Variants in CSGALNACT1 observed in about 807,000 individuals in gnomAD.
The protein encoded by CSGALNACT1 is beta4GalNAcT-1.
A neutral mutation model predicts 51.0 loss-of-function variants in CSGALNACT1; 52 were observed. The observed-to-expected ratio is 1.02, with a 90% CI of 0.82 to 1.29. The LOEUF (loss-of-function observed/expected upper bound fraction) is 1.29, where lower values mean the gene tolerates loss of function less well. CSGALNACT1 is among the 50% of genes most tolerant of loss of function. The pLI is 0.00. For missense variants in CSGALNACT1, 935 were observed against 679.2 expected, an observed-to-expected ratio of 1.38 and a Z score of -4.19; for synonymous variants, 341 against 254.4, an observed-to-expected ratio of 1.34 and a Z score of -3.24.
intron 4 of CSGALNACT1, among the ~76,000 whole-genome samples, chr8:19,491,267 G>A (rs954207689): frequency 7.9e-5 from 12 of 151,886 alleles, no homozygotes; most frequent in Non-Finnish European, 1.0e-4. Context: ...TAACGATACC[G>A]CAAAATTTTA....
chr8:19,705,166 T>C (rs2062087732), intron 1 of CSGALNACT1, among the ~76,000 whole-genome samples: 1 of 152,226 alleles, frequency 6.6e-6, no homozygotes, highest in African/African-American at 2.4e-5. Context: ...CATCACATTG[T>C]ACACCTTAAC....
chr8:19,512,640 C>T (rs902924336), intron 3 of CSGALNACT1, among the ~76,000 whole-genome samples: 4 of 151,996 alleles, frequency 2.6e-5, no homozygotes, highest in Non-Finnish European at 4.4e-5. Context: ...ATCAGTTCTC[C>T]GTTTGAGAAA....
chr8:19,585,796 T>C (rs2046499526), intron 3 of CSGALNACT1, among the ~76,000 whole-genome samples: 1 of 152,156 alleles, frequency 6.6e-6, no homozygotes, highest in Non-Finnish European at 1.5e-5. Flanking sequence ...CAAATTATCA[T>C]TTGTATTTTC....
intron 1 of CSGALNACT1, among the ~76,000 whole-genome samples, chr8:19,629,417 G>C (rs930265851): frequency 2.0e-5 from 3 of 152,160 alleles, no homozygotes; most frequent in Non-Finnish European, 4.4e-5. Flanking sequence ...AATCCTCGTA[G>C]GTAACTATGA....
At chr8:19,577,880 C>T (rs114217490) in intron 3 of CSGALNACT1, among the ~76,000 whole-genome samples, 339 of 152,262 alleles carry the variant, frequency 2.2e-3, no homozygotes, top group African/African-American at 7.7e-3. Context: ...AATGGCTGAG[C>T]CAAACTATTG....
chr8:19,453,842 G>A (rs1003891695), intron 5 of CSGALNACT1, among the ~76,000 whole-genome samples: 6 of 151,934 alleles, frequency 3.9e-5, no homozygotes, highest in Non-Finnish European at 8.8e-5. Context: ...AACCTGGGAG[G>A]CAGAGGTTGC....
chr8:19,536,353 A>AT (rs34702890), intron 3 of CSGALNACT1, among the ~76,000 whole-genome samples: 74,326 of 151,792 alleles, frequency 0.49, 19,251 homozygotes, highest in African/African-American at 0.68. Context: ...GTTAAAAAAA[A>AT]CAAATGCATC....
At chr8:19,405,078 C>T in exon 10 of CSGALNACT1, 1 of 453,688 alleles carries the variant, frequency 2.2e-6, no homozygotes, top group Non-Finnish European at 4.4e-6. Context: ...TGTAGGCCAA[C>T]TTGTGCTCTC....
At chr8:19,622,017 G>A (rs1033966016) in intron 1 of CSGALNACT1, among the ~76,000 whole-genome samples, 3 of 152,244 alleles carry the variant, frequency 2.0e-5, no homozygotes, top group Admixed American at 6.5e-5. Flanking sequence ...GTATGTAGTC[G>A]ATACTTCCAT....
chr8:19,497,743 A>G (rs1348975841), intron 4 of CSGALNACT1, among the ~76,000 whole-genome samples: 1 of 152,162 alleles, frequency 6.6e-6, no homozygotes, highest in Non-Finnish European at 1.5e-5. Flanking sequence ...GCTAAAGAGA[A>G]AAGTCAAACT....
intron 3 of CSGALNACT1, among the ~76,000 whole-genome samples, chr8:19,578,181 T>G (rs1453909932): frequency 6.6e-6 from 1 of 152,134 alleles, no homozygotes; most frequent in African/African-American, 2.4e-5. Flanking sequence ...TCAAATTCTA[T>G]CCCCCTAGCT....
rs776679433 is a variant in CSGALNACT1, at chr8:19,667,417, T to C, written c.-544+15056A>G. Reference sequence around the variant, plus strand: ...CACCACTGCACTCCAGCCTGAGCAATAGAGCAAGACCCTGTCTCAAAAAAC... The same window carrying C: ...CACCACTGCACTCCAGCCTGAGCAACAGAGCAAGACCCTGTCTCAAAAAAC... On this transcript the variant is annotated intron_variant, in intron 1 of 9. Coordinates refer to the CSGALNACT1 transcript ENST00000332246. Among the ~76,000 whole-genome samples the C allele has an allele frequency of 3.4e-4, 51 of 152,152 alleles. 1 individual carries two copies. Among genetic ancestry groups the C allele is most frequent in the South Asian group, 2.7e-3 (13 of 4,818 alleles).
intron 1 of CSGALNACT1, among the ~76,000 whole-genome samples, chr8:19,677,007 T>C (rs1365196609): frequency 6.6e-6 from 1 of 152,012 alleles, no homozygotes; most frequent in Non-Finnish European, 1.5e-5. Flanking sequence ...AAAGTCAAAC[T>C]AAAGAGGATC....
chr8:19,514,053 T>C (rs1033768026), intron 3 of CSGALNACT1, among the ~76,000 whole-genome samples: 6 of 152,166 alleles, frequency 3.9e-5, no homozygotes, highest in African/African-American at 1.4e-4. Context: ...CTTTTTTCCA[T>C]TGAGACTTTC....
At chr8:19,474,161 G>T (rs908641984) in intron 4 of CSGALNACT1, among the ~76,000 whole-genome samples, 4 of 152,010 alleles carry the variant, frequency 2.6e-5, no homozygotes, top group Non-Finnish European at 5.9e-5. Flanking sequence ...AGCTAAACAG[G>T]TGCTATAACA....
intron 5 of CSGALNACT1, among the ~76,000 whole-genome samples, chr8:19,453,564 A>C (rs2153807448): frequency 6.6e-6 from 1 of 152,350 alleles, no homozygotes. Flanking sequence ...AATTTCCCTG[A>C]AAGAACCCAC....
At chr8:19,477,812 T>A (rs2070140620) in intron 4 of CSGALNACT1, among the ~76,000 whole-genome samples, 1 of 152,194 alleles carries the variant, frequency 6.6e-6, no homozygotes, top group Non-Finnish European at 1.5e-5. Flanking sequence ...CTTAGAACAA[T>A]ACACAAAACA....
At chr8:19,484,659 A>G (rs567375540) in intron 4 of CSGALNACT1, among the ~76,000 whole-genome samples, 2 of 152,296 alleles carry the variant, frequency 1.3e-5, no homozygotes, top group African/African-American at 4.8e-5. Context: ...AAGTTGGCCA[A>G]TTTGTGGGCT....
chr8:19,557,923 AT>A (rs1239233085), intron 3 of CSGALNACT1, among the ~76,000 whole-genome samples: 1 of 152,218 alleles, frequency 6.6e-6, no homozygotes. Flanking sequence ...GTTTGAAACC[AT>A]ATCAAAAGGT....
Sources: allele counts gnomAD v4.1 joint callset (sites outside exome capture counted in the v4.1 genomes callset), GRCh38; gene constraint gnomAD v4.1.1; transcripts MANE v1.5; gene names NCBI Gene and HGNC (gene_info 2026-07-23, HGNC 2026-07-21).